The following SNRNP48 variants were observed in gnomAD, a reference collection of about 807,000 sequenced individuals.
The protein encoded by SNRNP48 is U11/U12 small nuclear ribonucleoprotein 48 kDa protein.
SNRNP48 carries 43 observed loss-of-function variants against 47.0 expected under a neutral mutation model. The observed-to-expected ratio is 0.92, with a 90% CI of 0.72 to 1.18. SNRNP48 has a LOEUF of 1.18. Among genes scored for constraint, SNRNP48 ranks in the 50% most tolerant of loss-of-function variants. The pLI, the probability that SNRNP48 is intolerant of heterozygous loss-of-function variation, is 0.00. For synonymous variants in SNRNP48, 138 were observed against 144.0 expected, an observed-to-expected ratio of 0.96 and a Z score of 0.30; for missense variants, 396 against 422.2, an observed-to-expected ratio of 0.94 and a Z score of 0.54.
intron 7 of SNRNP48, 90 bp downstream of exon 7, chr6:7,605,576 A>G: frequency 1.7e-6 from 2 of 1,188,102 alleles, no homozygotes; most frequent in South Asian, 2.7e-5. Context: ...CATTTCCAAA[A>G]CCCTTGATAG....
intron 4 of SNRNP48, chr6:7,599,919 G>A: frequency 2.0e-6 from 2 of 985,476 alleles, no homozygotes; most frequent in Non-Finnish European, 2.5e-6. Flanking sequence ...AATTTAAGAA[G>A]GAAATTATAT....
chr6:7,590,268 A>G lies in SNRNP48; in HGVS notation c.11A>G (p.Glu4Gly), dbSNP rs1759789147. The G allele has an allele frequency of 2.0e-5, 27 of 1,342,388 alleles. No homozygotes were observed. The highest frequency in any genetic ancestry group is 2.4e-5 in the Non-Finnish European group (25 of 1,036,942). 83.2% of individuals were successfully genotyped at this position (1,342,388 alleles called of 1,614,324 possible). A position where few individuals can be genotyped will look rare whatever the true frequency, so the allele number is the denominator to read the frequency against. Residue 4 changes from glutamate (E) to glycine (G), a missense_variant, in exon 1 of 9, where the codon GAG becomes GGG. By Grantham distance (98) the Glu-to-Gly change is moderately conservative (BLOSUM62 -2). Coordinates refer to ENST00000342415, the MANE Select transcript of SNRNP48 (RefSeq NM_152551.4). ...GGGTGGGCTGCAGCTATGGAGGGCGAGCCTCCACCTGTGGAGGAGCGGCGG... is the reference window on the plus strand; with the variant it reads ...GGGTGGGCTGCAGCTATGGAGGGCGGGCCTCCACCTGTGGAGGAGCGGCGG... MEG[E>G]PPPVEERRRL...
chr6:7,607,059 C>T (rs11967988), intron 8 of SNRNP48, among the ~76,000 whole-genome samples: 4,437 of 152,278 alleles, frequency 0.029, 68 homozygotes, highest in Middle Eastern at 0.099. Flanking sequence ...TGGCTCATGC[C>T]TATAATCCCT....
intron 4 of SNRNP48, among the ~76,000 whole-genome samples, chr6:7,595,410 G>A (rs1280771938): frequency 1.3e-5 from 2 of 152,154 alleles, no homozygotes; most frequent in African/African-American, 4.8e-5. Context: ...AATACAGATG[G>A]TCCCAACTTA....
intron 4 of SNRNP48, among the ~76,000 whole-genome samples, chr6:7,596,265 C>CA (rs111802280): frequency 0.075 from 10,512 of 139,266 alleles, 478 homozygotes; most frequent in Non-Finnish European, 0.11. Context: ...GACTCCATCT[C>CA]AAAAAAAAAA....
intron 8 of SNRNP48, among the ~76,000 whole-genome samples, chr6:7,607,937 T>C (rs1760162499): frequency 6.6e-6 from 1 of 152,262 alleles, no homozygotes; most frequent in Non-Finnish European, 1.5e-5. Flanking sequence ...ATTTGCTTAG[T>C]AATCCTTTTT....
At chr6:7,608,755 A>AAGTGGTGTATTACTGTTGAC in intron 8 of SNRNP48, 70 bp from the exon 9 acceptor site, 1 of 904,132 alleles carries the variant, frequency 1.1e-6, no homozygotes, top group Admixed American at 3.2e-5. Flanking sequence ...TTACTGTTGA[A>AAGTGGTGTATTACTGTTGAC]TTATTTTAAA....
intron 4 of SNRNP48, among the ~76,000 whole-genome samples, chr6:7,595,524 C>G (rs1759889047): frequency 6.6e-6 from 1 of 152,148 alleles, no homozygotes; most frequent in South Asian, 2.1e-4. Context: ...TTATCAGACG[C>G]TGGGCTGCAT....
At chr6:7,605,923 T>C in intron 7 of SNRNP48, 108 bp from the exon 8 acceptor site, 1 of 1,131,034 alleles carries the variant, frequency 8.8e-7, no homozygotes, top group Non-Finnish European at 1.3e-6. Flanking sequence ...AGACCATATC[T>C]ACCATTGGTT....
At chr6:7,605,125 A>G (rs1760101717) in intron 6 of SNRNP48, among the ~76,000 whole-genome samples, 1 of 152,100 alleles carries the variant, frequency 6.6e-6, no homozygotes, top group Non-Finnish European at 1.5e-5. Context: ...TATCCCCAGT[A>G]TGTATTTCCT....
At chr6:7,602,414 CCTAAGCACT>C (rs1414805596) in intron 5 of SNRNP48, among the ~76,000 whole-genome samples, 200 bp from the exon 6 acceptor site, 1 of 152,030 alleles carries the variant, frequency 6.6e-6, no homozygotes, top group Non-Finnish European at 1.5e-5. Flanking sequence ...AATCTATGTA[CCTAAGCACT>C]CTTATGTTCA....
Position 7,590,301 on chromosome 6 carries a change from A to C in SNRNP48, c.44A>C (p.Gln15Pro), listed in dbSNP as rs80051232. 7.2e-7 allele frequency: 1 copy of C among 1,380,814 alleles called. No individual in the cohort carries two copies. Among genetic ancestry groups the C allele is most frequent in the Non-Finnish European group, 9.5e-7 (1 of 1,055,052 alleles). The allele number at this position is 1,380,814 out of a possible 1,614,324, so 85.5% of individuals were successfully genotyped here. ...CCTGTGGAGGAGCGGCGGCGGCTGCAGGAGGAGCTGAACGAGTTCGTGGAG... is the reference window on the plus strand; with the variant it reads ...CCTGTGGAGGAGCGGCGGCGGCTGCCGGAGGAGCTGAACGAGTTCGTGGAG... ...PPPVEERRRL[Q>P]EELNEFVESG... The change falls in exon 1 of 9, where the codon CAG becomes CCG. Residue 15 changes from glutamine to proline, a missense_variant. Physicochemically the swap from Gln to Pro is moderately conservative, Grantham distance 76. Coordinates refer to ENST00000342415, the MANE Select transcript of SNRNP48 (RefSeq NM_152551.4).
chr6:7,603,953 A>G (rs760522205), intron 6 of SNRNP48, among the ~76,000 whole-genome samples: 12 of 152,238 alleles, frequency 7.9e-5, no homozygotes, highest in Non-Finnish European at 1.8e-4. Flanking sequence ...TCAAACATAT[A>G]CTAAAGTGGA....
intron 4 of SNRNP48, chr6:7,599,873 A>T: frequency 9.7e-7 from 1 of 1,026,322 alleles, no homozygotes; most frequent in Non-Finnish European, 1.2e-6. Flanking sequence ...ATCATAAAGA[A>T]ATTTAAGATG....
chr6:7,609,493 A>C lies in SNRNP48; in HGVS notation c.*620A>C, dbSNP rs1390729826. On this transcript the variant is annotated 3_prime_UTR_variant, in exon 9 of 9. Transcript: ENST00000342415. Reference sequence around the variant, plus strand: ...GCAAGTTGTAGAAAGTTATATACAAATTATATATATGTACAAAACAATACT... The same window carrying C: ...GCAAGTTGTAGAAAGTTATATACAACTTATATATATGTACAAAACAATACT... 6.6e-6 allele frequency: 1 copy of C among 152,212 alleles called. No individual in the cohort carries two copies. The highest frequency in any genetic ancestry group is 1.5e-5 in the Non-Finnish European group (1 of 68,042). The allele number at this position is 152,212 out of a possible 1,614,324, so 9.4% of individuals were successfully genotyped here.
intron 1 of SNRNP48, among the ~76,000 whole-genome samples, chr6:7,592,076 A>G (rs1039027508): frequency 2.6e-5 from 4 of 152,122 alleles, no homozygotes; most frequent in African/African-American, 7.2e-5. Context: ...TGGAATTGCT[A>G]TAGTACAGTT....
chr6:7,596,533 G>T (rs1759906918), intron 4 of SNRNP48, among the ~76,000 whole-genome samples: 1 of 152,142 alleles, frequency 6.6e-6, no homozygotes, highest in Non-Finnish European at 1.5e-5. Flanking sequence ...ACTGTTCTAA[G>T]CCAGTATCTG....
At position 7,611,038 on chromosome 6, in the gene SNRNP48, C is replaced by T. The variant is rs1299002872; in HGVS notation, c.*2165C>T. 6.6e-6 allele frequency: 1 copy of T among 152,154 alleles called. No homozygotes were observed. The highest frequency in any genetic ancestry group is 2.4e-5 in the African/African-American group (1 of 41,404). The allele number at this position is 152,154 out of a possible 1,614,324, so 9.4% of individuals were successfully genotyped here. On this transcript the variant is annotated 3_prime_UTR_variant, in exon 9 of 9. Coordinates refer to ENST00000342415, the MANE Select transcript of SNRNP48 (RefSeq NM_152551.4). ...TACTATAGCTGCTGTCCATCTTGCCCATCCATTAAGGTACCTTCTCACAAA... is the reference window on the plus strand; with the variant it reads ...TACTATAGCTGCTGTCCATCTTGCCTATCCATTAAGGTACCTTCTCACAAA...
At chr6:7,601,705 G>A (rs775837318) in intron 5 of SNRNP48, among the ~76,000 whole-genome samples, 181 bp downstream of exon 5, 7 of 152,110 alleles carry the variant, frequency 4.6e-5, no homozygotes, top group Admixed American at 2.0e-4. Flanking sequence ...TTTGACCAAC[G>A]GTGGATTGAA....
Sources: gnomAD v4.1 joint callset for allele counts (sites outside exome capture counted in the v4.1 genomes callset) on GRCh38, gnomAD v4.1.1 for gene constraint, MANE v1.5 for transcripts, NCBI Gene and HGNC (gene_info 2026-07-23, HGNC 2026-07-21) for gene names.